The following KCTD8 variants were observed in gnomAD, a reference collection of about 807,000 sequenced individuals.
KCTD8 encodes BTB/POZ domain-containing protein KCTD8.
In KCTD8, 27 loss-of-function variants were observed where a neutral mutation model predicts 31.5. The observed-to-expected ratio is 0.86, with a 90% CI of 0.63 to 1.18. The LOEUF is 1.18. Among genes scored for constraint, KCTD8 ranks in the 50% most tolerant of loss-of-function variants. The pLI, the probability that KCTD8 is intolerant of heterozygous loss-of-function variation, is 0.00. For synonymous variants in KCTD8, 290 were observed against 280.0 expected (o/e 1.04, Z -0.36); for missense variants, 658 against 647.7 (o/e 1.02, Z -0.17).
intron 1 of KCTD8, among the ~76,000 whole-genome samples, chr4:44,296,971 AT>A (rs555140564): frequency 6.2e-4 from 94 of 152,216 alleles, no homozygotes; most frequent in African/African-American, 2.0e-3. Context: ...AGTAAGATAT[AT>A]TATAATAAAT....
chr4:44,255,094 T>C (rs1715953684), intron 1 of KCTD8, among the ~76,000 whole-genome samples: 1 of 151,866 alleles, frequency 6.6e-6, no homozygotes, highest in Non-Finnish European at 1.5e-5. Flanking sequence ...ATACTCAGTG[T>C]CCAGGAACAA....
At position 44,174,407 on chromosome 4, in the gene KCTD8, C is replaced by T; in HGVS notation, c.*383G>A. 1 of 161,178 alleles carries T rather than the reference C, an allele frequency of 6.2e-6. No homozygotes were observed. Among genetic ancestry groups the T allele is most frequent in the Non-Finnish European group, 1.4e-5 (1 of 74,056 alleles). The allele number at this position is 161,178 out of a possible 1,614,324, so 10.0% of individuals were successfully genotyped here. ...TCTAAAATTTTACTTGATGTTGCTTCATCCATATATCATTTTAGTTGGTAT... is the reference window on the plus strand; with the variant it reads ...TCTAAAATTTTACTTGATGTTGCTTTATCCATATATCATTTTAGTTGGTAT... On this transcript the variant is annotated 3_prime_UTR_variant, in exon 2 of 2. Coordinates refer to ENST00000360029, the MANE Select transcript of KCTD8 (RefSeq NM_198353.3).
intron 1 of KCTD8, among the ~76,000 whole-genome samples, chr4:44,308,337 C>CT (rs965971092): frequency 6.0e-5 from 9 of 151,012 alleles, no homozygotes; most frequent in Admixed American, 6.6e-5. Context: ...ACAATGAACT[C>CT]TTTTTTTTTC....
intron 1 of KCTD8, among the ~76,000 whole-genome samples, chr4:44,301,237 T>G (rs1011565314): frequency 6.6e-6 from 1 of 152,340 alleles, no homozygotes; most frequent in South Asian, 2.1e-4. Flanking sequence ...TACCCAGTAA[T>G]GGGATGGCTG....
intron 1 of KCTD8, among the ~76,000 whole-genome samples, chr4:44,199,556 T>C (rs887726224): frequency 1.3e-5 from 2 of 152,040 alleles, no homozygotes; most frequent in African/African-American, 4.8e-5. Flanking sequence ...AGAATAACTC[T>C]TGGGTGAATG....
chr4:44,398,526 A>C lies in KCTD8; in HGVS notation c.961+49037T>G, dbSNP rs77546470. Among the ~76,000 whole-genome samples the C allele has an allele frequency of 7.5e-3, 1,145 of 152,342 alleles. 8 individuals are homozygous for C. The highest frequency in any genetic ancestry group is 0.041 in the Middle Eastern group (12 of 294). Reference sequence around the variant, plus strand: ...ACTATATTCTAGCTGTTGAGGACACACAGTTGATGAAGGGGATACTAGAAG... The same window carrying C: ...ACTATATTCTAGCTGTTGAGGACACCCAGTTGATGAAGGGGATACTAGAAG... On this transcript the variant is annotated intron_variant, in intron 1 of 1. Transcript: ENST00000360029.
Position 44,448,317 on chromosome 4 carries a change from A to T in KCTD8, c.207T>A (p.Thr69=). The T allele has an allele frequency of 4.4e-6, 7 of 1,603,722 alleles. No individual in the cohort carries two copies. The highest frequency in any genetic ancestry group is 6.0e-6 in the Non-Finnish European group (7 of 1,175,904). Residue 69 remains threonine, a synonymous_variant, in exon 1 of 2, where the codon ACT becomes ACA. Coordinates refer to ENST00000360029, the MANE Select transcript of KCTD8 (RefSeq NM_198353.3). The surrounding 1 kb of genome is among the most constrained non-coding windows in gnomAD (Gnocchi z 4.1). The part of the protein sequence containing the change: ...HSTLLSVPDS[T]LASMFSPSSP... ...TAGAGGGCGAGAACATGCTGGCCAA[A>T]GTACTGTCCGGGACGCTGAGCAGCG...
chr4:44,350,945 A>G (rs965745198), intron 1 of KCTD8, among the ~76,000 whole-genome samples: 2 of 152,118 alleles, frequency 1.3e-5, no homozygotes, highest in Admixed American at 6.6e-5. Flanking sequence ...GCATTCACCA[A>G]TTAACTCAAT....
intron 1 of KCTD8, among the ~76,000 whole-genome samples, chr4:44,270,882 C>T (rs1716575975): frequency 6.6e-6 from 1 of 152,124 alleles, no homozygotes; most frequent in Non-Finnish European, 1.5e-5. Flanking sequence ...TATTTATTCT[C>T]AGACTAGCAT....
intron 1 of KCTD8, among the ~76,000 whole-genome samples, chr4:44,354,638 T>C (rs1044019377): frequency 5.9e-5 from 9 of 152,128 alleles, no homozygotes; most frequent in African/African-American, 2.2e-4. Context: ...GTGCAAATTA[T>C]TTCATTTGCA....
intron 1 of KCTD8, among the ~76,000 whole-genome samples, chr4:44,321,089 A>G (rs1718283919): frequency 6.6e-6 from 1 of 152,208 alleles, no homozygotes; most frequent in African/African-American, 2.4e-5. Flanking sequence ...CAACCATCCT[A>G]GGTGAATACT....
chr4:44,436,394 A>C (rs1256465946), intron 1 of KCTD8, among the ~76,000 whole-genome samples: 1 of 152,106 alleles, frequency 6.6e-6, no homozygotes, highest in East Asian at 1.9e-4. Flanking sequence ...AGATGGATGG[A>C]GTGAGAGTCA....
intron 1 of KCTD8, among the ~76,000 whole-genome samples, chr4:44,273,430 C>A (rs565492224): frequency 1.2e-4 from 18 of 151,984 alleles, no homozygotes; most frequent in African/African-American, 4.1e-4. Context: ...ATGTTAGCAT[C>A]ATAAAACCTT....
chr4:44,331,691 A>G (rs1405465799), intron 1 of KCTD8, among the ~76,000 whole-genome samples: 4 of 150,076 alleles, frequency 2.7e-5, no homozygotes, highest in Non-Finnish European at 4.5e-5. Context: ...ATATACATAT[A>G]TGGAAATATA....
chr4:44,340,406 C>G (rs1375190185), intron 1 of KCTD8, among the ~76,000 whole-genome samples: 1 of 151,600 alleles, frequency 6.6e-6, no homozygotes, highest in Non-Finnish European at 1.5e-5. Flanking sequence ...TCACACCATT[C>G]TCCTGCCTCA....
chr4:44,409,929 A>T (rs1256302912), intron 1 of KCTD8, among the ~76,000 whole-genome samples: 1 of 152,102 alleles, frequency 6.6e-6, no homozygotes, highest in Non-Finnish European at 1.5e-5. Context: ...AGTACAGCAT[A>T]CTGGGGCTTT....
At chr4:44,317,050 A>C (rs1234723943) in intron 1 of KCTD8, among the ~76,000 whole-genome samples, 1 of 150,824 alleles carries the variant, frequency 6.6e-6, no homozygotes, top group African/African-American at 2.4e-5. Flanking sequence ...AACTTGTTAG[A>C]GTAAGGAGGC....
At chr4:44,266,750 T>A (rs1353064250) in intron 1 of KCTD8, among the ~76,000 whole-genome samples, 1 of 152,046 alleles carries the variant, frequency 6.6e-6, no homozygotes, top group South Asian at 2.1e-4. Context: ...AATCCTAGTC[T>A]CTGATAAAAC....
At chr4:44,320,207 A>G (rs1282116436) in intron 1 of KCTD8, among the ~76,000 whole-genome samples, 1 of 142,262 alleles carries the variant, frequency 7.0e-6, no homozygotes, top group Non-Finnish European at 1.5e-5. Flanking sequence ...AAAGAGAGAG[A>G]GAATTGATGC....
Sources: allele counts gnomAD v4.1 joint callset (sites outside exome capture counted in the v4.1 genomes callset), GRCh38; gene constraint gnomAD v4.1.1; non-coding constraint Gnocchi (gnomAD v3.1); transcripts MANE v1.5; gene names NCBI Gene and HGNC (gene_info 2026-07-23, HGNC 2026-07-21).